Variants in CNBP observed in about 807,000 individuals in gnomAD.
CNBP encodes CCHC-type zinc finger nucleic acid binding protein, also known as cellular nucleic acid-binding protein.
CNBP carries 6 observed loss-of-function variants against 21.2 expected under a neutral mutation model. The observed-to-expected ratio is 0.28, with a 90% CI of 0.16 to 0.56. The LOEUF (loss-of-function observed/expected upper bound fraction) is 0.56, where lower values mean the gene tolerates loss of function less well. CNBP is among the 20% of genes least tolerant of loss of function. The pLI is 0.93. For synonymous variants in CNBP, 61 were observed against 74.9 expected (o/e 0.81, Z 0.96); for missense variants, 112 against 233.1 (o/e 0.48, Z 3.38).
In CNBP at chr3:129,171,387, G is replaced by C. The variant is rs1560032849; in HGVS notation, c.217+59C>G. 6 of 1,585,204 alleles carry C rather than the reference G, an allele frequency of 3.8e-6. No homozygotes were observed. In the East Asian group the frequency reaches 8.9e-5, roughly 24 times the overall value. On this transcript the variant is annotated intron_variant, in intron 3 of 4. Coordinates refer to ENST00000422453, the MANE Select transcript of CNBP (RefSeq NM_003418.5). ...AAAGGTGGAAATGCTATACACAGTT[G>C]CATGTGCTCACCTCTCCAAGCTCTA...
At chr3:129,174,109 A>G (rs1937720189) in intron 1 of CNBP, among the ~76,000 whole-genome samples, 1 of 151,974 alleles carries the variant, frequency 6.6e-6, no homozygotes. Flanking sequence ...CTTTCTACTA[A>G]CTCTTGCCAC....
intron 1 of CNBP, among the ~76,000 whole-genome samples, chr3:129,176,393 G>A (rs538357301): frequency 1.1e-4 from 17 of 152,262 alleles, no homozygotes; most frequent in Middle Eastern, 3.4e-3. Context: ...TCTGTCTAAT[G>A]GCAGTACCAT....
chr3:129,177,697 A>G (rs770751176), intron 1 of CNBP, among the ~76,000 whole-genome samples: 1 of 152,200 alleles, frequency 6.6e-6, no homozygotes, highest in African/African-American at 2.4e-5. Flanking sequence ...GATTAAGAGG[A>G]GAAACACCGG....
rs1937530057 is a variant in CNBP at position 129,169,393 on chromosome 3, A to G, written c.*1060T>C. The stretch of plus-strand genomic sequence containing the variant: ...AAAGTGAATTTTCTATAGCTTTGCA[A>G]AAGTATCTAAATCCCATACATCCTT... On this transcript the variant is annotated 3_prime_UTR_variant, in exon 5 of 5. Coordinates refer to ENST00000422453, the MANE Select transcript of CNBP (RefSeq NM_003418.5). 1.0e-5 allele frequency: 2 copies of G among 193,864 alleles called. No homozygotes were observed. The highest frequency in any genetic ancestry group is 2.1e-5 in the Non-Finnish European group (2 of 93,106). The allele number at this position is 193,864 out of a possible 1,614,324, so 12.0% of individuals were successfully genotyped here.
At chr3:129,170,614 A>C in intron 4 of CNBP, 44 bp from the exon 5 acceptor site, 5 of 1,493,956 alleles carry the variant, frequency 3.3e-6, no homozygotes, top group Non-Finnish European at 4.7e-6. Flanking sequence ...CTCAGAAAAA[A>C]ACTGTCTACC....
intron 1 of CNBP, among the ~76,000 whole-genome samples, chr3:129,181,597 C>G (rs1430084208): frequency 7.5e-6 from 1 of 133,094 alleles, no homozygotes; most frequent in African/African-American, 2.8e-5. Context: ...TCGCAGTGAG[C>G]CGAGATCGCG....
rs57560229 is a variant in CNBP at position 129,168,605 on chromosome 3, CAAAAAAAAAAAA to C, written c.*1836_*1847del. Among the ~76,000 whole-genome samples, 1 of 39,468 alleles carries C rather than the reference CAAAAAAAAAAAA, an allele frequency of 2.5e-5. No individual in the cohort carries two copies. The highest frequency in any genetic ancestry group is 1.0e-4 in the African/African-American group (1 of 9,572). The allele number at this position is 39,468 out of a possible 152,430, so 25.9% of individuals were successfully genotyped here. On this transcript the variant is annotated 3_prime_UTR_variant, in exon 5 of 5. Transcript: ENST00000422453. ...CCTGGGCAACAGAGCGAGACTGTCT[CAAAAAAAAAAAA>C]AAAAAAAAAAAAGGCCCAGGAAAAA...
chr3:129,170,131 A>G lies in CNBP; in HGVS notation c.*322T>C, dbSNP rs1937541885. 1 of 311,590 alleles carries G rather than the reference A, an allele frequency of 3.2e-6. No homozygotes were observed. Among genetic ancestry groups the G allele is most frequent in the Non-Finnish European group, 6.1e-6 (1 of 164,954 alleles). 19.3% of individuals were successfully genotyped at this position (311,590 alleles called of 1,614,324 possible). A position where few individuals can be genotyped will look rare whatever the true frequency, so the allele number is the denominator to read the frequency against. Reference sequence around the variant, plus strand: ...GAATTGGTTTTACCTCCTACATGGGAACATGTTCAAGGAACCCAGGACGGG... The same window carrying G: ...GAATTGGTTTTACCTCCTACATGGGGACATGTTCAAGGAACCCAGGACGGG... On this transcript the variant is annotated 3_prime_UTR_variant, in exon 5 of 5. Coordinates refer to ENST00000422453, the MANE Select transcript of CNBP (RefSeq NM_003418.5).
intron 1 of CNBP, among the ~76,000 whole-genome samples, chr3:129,182,938 TGTTG>T (rs1393681823): frequency 3.1e-5 from 1 of 32,028 alleles, no homozygotes; most frequent in Non-Finnish European, 6.0e-5. Flanking sequence ...AACCCTTTGT[TGTTG>T]TTTGTTTGTT....
chr3:129,174,405 C>A (rs1325094423), intron 1 of CNBP, among the ~76,000 whole-genome samples: 1 of 142,468 alleles, frequency 7.0e-6, no homozygotes, highest in Non-Finnish European at 1.5e-5. Flanking sequence ...GTGGCTCACA[C>A]CTGTAATCCC....
chr3:129,181,655 A>AAAAAAAAAAAAAAAAAAAAG (rs1264573788), intron 1 of CNBP, among the ~76,000 whole-genome samples: 4 of 141,832 alleles, frequency 2.8e-5, no homozygotes, highest in African/African-American at 8.8e-5. Context: ...GTCTCAGAAA[A>AAAAAAAAAAAAAAAAAAAAG]AAAAAAAGAA....
intron 1 of CNBP, among the ~76,000 whole-genome samples, chr3:129,181,239 C>CAAAAAAAAAAAAA (rs10587328): frequency 4.7e-4 from 25 of 53,174 alleles, no homozygotes; most frequent in South Asian, 2.7e-3. Context: ...GACTCTGTCT[C>CAAAAAAAAAAAAA]AAAAAAAAAA....
Position 129,168,940 on chromosome 3 carries a change from C to CA in CNBP, c.*1512dup, listed in dbSNP as rs11401192. 0.88 allele frequency among the ~76,000 whole-genome samples: 126,015 copies of CA among 143,980 alleles called. 56,009 individuals carry two copies. The highest frequency in any genetic ancestry group is 0.97 in the Non-Finnish European group (64,100 of 66,180). The allele number at this position is 143,980 out of a possible 152,430, so 94.5% of individuals were successfully genotyped here. A position where few individuals can be genotyped will look rare whatever the true frequency, so the allele number is the denominator to read the frequency against. ...TGAAACCCCGTCTTTACTAAAAATA[C>CA]AAAAAAAAAAAATTAGCTGGGCGCG... On this transcript the variant is annotated 3_prime_UTR_variant, in exon 5 of 5. Transcript: ENST00000422453.
intron 1 of CNBP, among the ~76,000 whole-genome samples, chr3:129,177,957 C>T (rs979863168): frequency 6.6e-6 from 1 of 151,938 alleles, no homozygotes; most frequent in Non-Finnish European, 1.5e-5. Context: ...GTCAGGAGTT[C>T]GAGACCAGCT....
chr3:129,177,916 T>C (rs192650723), intron 1 of CNBP, among the ~76,000 whole-genome samples: 2 of 152,210 alleles, frequency 1.3e-5, no homozygotes, highest in African/African-American at 4.8e-5. Context: ...TCCCAGCATT[T>C]TGGGAGGCCG....
intron 1 of CNBP, among the ~76,000 whole-genome samples, chr3:129,177,787 G>C (rs1176608817): frequency 1.3e-5 from 2 of 152,164 alleles, no homozygotes; most frequent in Non-Finnish European, 2.9e-5. Flanking sequence ...TGTATCAAAT[G>C]TTTATGACAC....
At chr3:129,181,651 G>GAAAAAA (rs371274750) in intron 1 of CNBP, among the ~76,000 whole-genome samples, 1 of 115,342 alleles carries the variant, frequency 8.7e-6, no homozygotes, top group African/African-American at 3.3e-5. Context: ...CTCCGTCTCA[G>GAAAAAA]AAAAAAAAAA....
At position 129,168,704 on chromosome 3, in the gene CNBP, G is replaced by GT. The variant is rs1195455582; in HGVS notation, c.*1748dup. Among the ~76,000 whole-genome samples the GT allele has an allele frequency of 6.7e-6, 1 of 150,038 alleles. No individual in the cohort carries two copies. Among genetic ancestry groups the GT allele is most frequent in the South Asian group, 2.1e-4 (1 of 4,710 alleles). ...CGGCCAGACACGGTGGCTCGCACCT[G>GT]TAACACTAGCACTTTGGGGGGCGGG... is the stretch of plus-strand genomic sequence containing the variant. On this transcript the variant is annotated 3_prime_UTR_variant, in exon 5 of 5. Coordinates refer to ENST00000422453, the MANE Select transcript of CNBP (RefSeq NM_003418.5).
intron 1 of CNBP, among the ~76,000 whole-genome samples, chr3:129,175,412 C>T (rs1237888396): frequency 6.8e-6 from 1 of 146,570 alleles, no homozygotes; most frequent in African/African-American, 2.5e-5. Context: ...TAGAATATAA[C>T]AGAAGTTTTA....
Sources: allele counts gnomAD v4.1 joint callset (sites outside exome capture counted in the v4.1 genomes callset), GRCh38; gene constraint gnomAD v4.1.1; transcripts MANE v1.5; gene names NCBI Gene and HGNC (gene_info 2026-07-23, HGNC 2026-07-21).